The following RBFOX1 variants were observed in gnomAD, a reference collection of about 807,000 sequenced individuals.
RBFOX1 encodes RNA binding fox-1 homolog 1.
A neutral mutation model predicts 57.7 loss-of-function variants in RBFOX1; 8 were observed. The observed-to-expected ratio is 0.14, with a 90% CI of 0.08 to 0.25. The LOEUF (loss-of-function observed/expected upper bound fraction) is 0.25, where lower values mean the gene tolerates loss of function less well. Among genes scored for constraint, RBFOX1 ranks in the 10% least tolerant of loss-of-function variants. The pLI, the probability that RBFOX1 is intolerant of heterozygous loss-of-function variation, is 1.00. For missense variants in RBFOX1, 611 were observed against 548.5 expected, an observed-to-expected ratio of 1.11 and a Z score of -1.14; for synonymous variants, 326 against 222.4, an observed-to-expected ratio of 1.47 and a Z score of -4.15.
chr16:7,407,329 A>T (rs1218905204), intron 4 of RBFOX1, among the ~76,000 whole-genome samples: 1 of 151,974 alleles, frequency 6.6e-6, no homozygotes, highest in Non-Finnish European at 1.5e-5. Context: ...ATGGGAATAA[A>T]GTAAAGGAAA....
At chr16:6,583,988 C>A (rs142340088) in intron 2 of RBFOX1, among the ~76,000 whole-genome samples, 14 of 141,686 alleles carry the variant, frequency 9.9e-5, no homozygotes, top group African/African-American at 2.0e-4. Flanking sequence ...ACAATAACAA[C>A]GACAACAACA....
At chr16:5,594,520 T>C (rs1457925706) in intron 2 of RBFOX1, among the ~76,000 whole-genome samples, 3 of 152,132 alleles carry the variant, frequency 2.0e-5, no homozygotes, top group African/African-American at 7.2e-5. Flanking sequence ...AAGGTGAACA[T>C]TGGTTTCTTC....
intron 1 of RBFOX1, among the ~76,000 whole-genome samples, chr16:6,045,506 C>T (rs543565098): frequency 1.3e-5 from 2 of 152,316 alleles, no homozygotes; most frequent in East Asian, 3.9e-4. Context: ...TTTATTCATT[C>T]ATGCATTCAT....
At chr16:6,066,320 A>AAAAG (rs1555494616) in intron 1 of RBFOX1, among the ~76,000 whole-genome samples, 1 of 131,668 alleles carries the variant, frequency 7.6e-6, no homozygotes, top group Non-Finnish European at 1.6e-5. Context: ...AAAAAAAAAA[A>AAAAG]GGCATAATTC....
chr16:6,431,337 G>C (rs2226119), intron 2 of RBFOX1, among the ~76,000 whole-genome samples: 1 of 151,826 alleles, frequency 6.6e-6, no homozygotes, highest in African/African-American at 2.4e-5. Context: ...GAGGCAGGTG[G>C]ATGGCAACAG....
intron 4 of RBFOX1, among the ~76,000 whole-genome samples, chr16:7,230,270 C>T (rs948830611): frequency 2.0e-5 from 3 of 151,846 alleles, no homozygotes; most frequent in Admixed American, 1.3e-4. Flanking sequence ...AATAAACAAA[C>T]AGAAAGTACC....
chr16:5,564,430 G>A (rs574981649), intron 2 of RBFOX1, among the ~76,000 whole-genome samples: 9 of 152,116 alleles, frequency 5.9e-5, no homozygotes, highest in Non-Finnish European at 7.4e-5. Flanking sequence ...TCCTTCTACC[G>A]TCTTCTTGGA....
chr16:6,948,303 A>G (rs1002708007), intron 3 of RBFOX1, among the ~76,000 whole-genome samples: 2 of 151,874 alleles, frequency 1.3e-5, no homozygotes, highest in African/African-American at 4.8e-5. Context: ...ATTTAAAACA[A>G]ACAAAATAAA....
At chr16:7,214,479 C>T (rs757704072) in intron 4 of RBFOX1, among the ~76,000 whole-genome samples, 1 of 152,022 alleles carries the variant, frequency 6.6e-6, no homozygotes, top group Non-Finnish European at 1.5e-5. Context: ...GATCCATCCA[C>T]TGCCTCCATC....
At chr16:6,255,554 G>A (rs2097655660) in intron 1 of RBFOX1, among the ~76,000 whole-genome samples, 1 of 152,108 alleles carries the variant, frequency 6.6e-6, no homozygotes, top group South Asian at 2.1e-4. Flanking sequence ...ACAGGTGGGT[G>A]CCAACAGGAG....
chr16:6,938,523 A>C (rs1293684995), intron 3 of RBFOX1, among the ~76,000 whole-genome samples: 1 of 152,074 alleles, frequency 6.6e-6, no homozygotes, highest in Non-Finnish European at 1.5e-5. Flanking sequence ...AAATAAGGTA[A>C]ATGCCTAACA....
At chr16:6,880,527 C>G (rs1227179824) in intron 3 of RBFOX1, among the ~76,000 whole-genome samples, 3 of 152,162 alleles carry the variant, frequency 2.0e-5, no homozygotes, top group Non-Finnish European at 4.4e-5. Flanking sequence ...TGGAACCTTG[C>G]TAGTCAGGTT....
At position 6,355,380 on chromosome 16, in the gene RBFOX1, C is replaced by T. The variant is rs140228157; in HGVS notation, c.-64+38323C>T. On this transcript the variant is annotated intron_variant, in intron 2 of 15. Coordinates refer to ENST00000550418, the MANE Select transcript of RBFOX1 (RefSeq NM_018723.4). ...ACTCCCACTTATGAGTGAGAACATG[C>T]GGTGTTTGGCTTTCTGTTGTTGTGA... 7.6e-3 allele frequency among the ~76,000 whole-genome samples: 1,162 copies of T among 151,968 alleles called. 6 individuals are homozygous for T. The highest frequency in any genetic ancestry group is 0.012 in the Non-Finnish European group (799 of 68,006).
chr16:6,872,230 G>A (rs1319846869), intron 3 of RBFOX1, among the ~76,000 whole-genome samples: 1 of 152,128 alleles, frequency 6.6e-6, no homozygotes, highest in Non-Finnish European at 1.5e-5. Context: ...GCACATAGTA[G>A]AGATTTAATA....
chr16:7,405,174 A>G (rs777972590), intron 4 of RBFOX1, among the ~76,000 whole-genome samples: 3 of 152,228 alleles, frequency 2.0e-5, no homozygotes, highest in Non-Finnish European at 2.9e-5. Context: ...TCCTCATTCT[A>G]GCAAGAAAGC....
intron 3 of RBFOX1, among the ~76,000 whole-genome samples, chr16:6,993,832 A>G (rs907867696): frequency 1.3e-5 from 2 of 152,036 alleles, no homozygotes; most frequent in South Asian, 2.1e-4. Flanking sequence ...TTGCATGAAC[A>G]CTCCAAAATG....
At chr16:5,407,774 C>T (rs764883146) in intron 1 of RBFOX1, among the ~76,000 whole-genome samples, 1 of 152,202 alleles carries the variant, frequency 6.6e-6, no homozygotes, top group Non-Finnish European at 1.5e-5. Context: ...GTCTCGAACT[C>T]CTGACCTCAA....
At chr16:6,080,830 C>A (rs780971245) in intron 1 of RBFOX1, among the ~76,000 whole-genome samples, 5 of 152,144 alleles carry the variant, frequency 3.3e-5, no homozygotes, top group Non-Finnish European at 5.9e-5. Flanking sequence ...TTTTCAGTGC[C>A]CTTTGATGTG....
intron 2 of RBFOX1, among the ~76,000 whole-genome samples, chr16:6,378,618 T>G (rs74007319): frequency 6.6e-6 from 1 of 152,126 alleles, no homozygotes; most frequent in Non-Finnish European, 1.5e-5. Flanking sequence ...CTTTGCAATG[T>G]CCACTCCCTA....
Sources: allele counts gnomAD v4.1 joint callset (sites outside exome capture counted in the v4.1 genomes callset), GRCh38; gene constraint gnomAD v4.1.1; transcripts MANE v1.5; gene names NCBI Gene and HGNC (gene_info 2026-07-23, HGNC 2026-07-21).